Variants in CFAP221 observed in about 807,000 individuals in gnomAD.
The protein encoded by CFAP221 is cilia and flagella associated protein 221, also known as cilia- and flagella-associated protein 221.
A neutral mutation model predicts 113.1 loss-of-function variants in CFAP221; 97 were observed. That is an observed-to-expected ratio of 0.86 (90% CI 0.73 to 1.02). CFAP221 has a LOEUF of 1.02. CFAP221 is among the 50% of genes least tolerant of loss of function. The probability of loss-of-function intolerance (pLI) is 0.00; values close to 1 mark genes in which losing one functional copy is unlikely to be tolerated. For synonymous variants in CFAP221, 331 were observed against 354.4 expected (o/e 0.93, Z 0.74); for missense variants, 1,025 against 1,013.4 (o/e 1.01, Z -0.16).
rs977475346 is a variant in CFAP221, at chr2:119,559,716, A to G, written c.268A>G (p.Thr90Ala). The G allele has an allele frequency of 1.5e-5, 23 of 1,529,954 alleles. No individual in the cohort carries two copies. Among genetic ancestry groups the G allele is most frequent in the Non-Finnish European group, 2.0e-5 (23 of 1,141,530 alleles). The allele number at this position is 1,529,954 out of a possible 1,614,324, so 94.8% of individuals were successfully genotyped here. Residue 90 changes from threonine (T) to alanine (A), a missense_variant, in exon 4 of 24, where the codon ACA becomes GCA. Transcript: ENST00000413369. ...LHLVNVSNED[T>A]RVHILPPQTK... is the part of the protein sequence containing the mutation. Reference sequence around the variant, plus strand: ...TCTGGTCAATGTTTCCAATGAAGACACACGTGTTCATATTTTACCCCCGCA... The same window carrying G: ...TCTGGTCAATGTTTCCAATGAAGACGCACGTGTTCATATTTTACCCCCGCA...
At chr2:119,654,548 AT>A (rs1395372874) in intron 23 of CFAP221, among the ~76,000 whole-genome samples, 1 of 152,152 alleles carries the variant, frequency 6.6e-6, no homozygotes, top group Non-Finnish European at 1.5e-5. Flanking sequence ...GTTGAATGGC[AT>A]TTGGTTATCA....
intron 6 of CFAP221, among the ~76,000 whole-genome samples, chr2:119,583,573 A>T (rs1048680066): frequency 6.6e-6 from 1 of 152,196 alleles, no homozygotes; most frequent in African/African-American, 2.4e-5. Context: ...CAAAAGTAGC[A>T]TTGCAATACA....
chr2:119,555,065 G>A (rs1680689878), intron 3 of CFAP221, among the ~76,000 whole-genome samples: 1 of 152,198 alleles, frequency 6.6e-6, no homozygotes, highest in African/African-American at 2.4e-5. Flanking sequence ...GCATGGGATT[G>A]GGGGTGAAGA....
intron 2 of CFAP221, among the ~76,000 whole-genome samples, chr2:119,547,144 T>C (rs544486719): frequency 9.8e-4 from 149 of 152,320 alleles, no homozygotes; most frequent in Non-Finnish European, 1.8e-3. Flanking sequence ...TATGCTTCTT[T>C]TGTCACTGTA....
At chr2:119,599,489 TAGG>T (rs1349976918) in intron 7 of CFAP221, among the ~76,000 whole-genome samples, 14 of 152,316 alleles carry the variant, frequency 9.2e-5, no homozygotes, top group African/African-American at 3.1e-4. Flanking sequence ...ACACTCTAAC[TAGG>T]AGAAGGCAGA....
intron 11 of CFAP221, among the ~76,000 whole-genome samples, chr2:119,606,638 T>C (rs1424108929): frequency 1.3e-5 from 2 of 152,064 alleles, no homozygotes; most frequent in Admixed American, 1.3e-4. Flanking sequence ...TTTTTTTACA[T>C]ATAGAGAAGG....
At chr2:119,630,517 C>A in intron 17 of CFAP221, 53 bp from the exon 18 acceptor site, 2 of 1,376,146 alleles carry the variant, frequency 1.5e-6, no homozygotes, top group Non-Finnish European at 2.1e-6. Flanking sequence ...AGAAGTAGAT[C>A]CCACCAAATG....
intron 3 of CFAP221, chr2:119,556,304 T>C (rs1680793973): frequency 6.6e-6 from 1 of 152,162 alleles, no homozygotes; most frequent in Non-Finnish European, 1.5e-5. Flanking sequence ...TCACTTCAGA[T>C]CTTAAGCAGA....
At chr2:119,550,984 A>G (rs893726887) in intron 3 of CFAP221, among the ~76,000 whole-genome samples, 10 of 152,172 alleles carry the variant, frequency 6.6e-5, no homozygotes, top group East Asian at 3.8e-4. Flanking sequence ...TGGACATTTC[A>G]TATGAACGCA....
downstream of CFAP221, among the ~76,000 whole-genome samples, chr2:119,657,399 C>G (rs1403467647): frequency 2.0e-5 from 3 of 152,092 alleles, no homozygotes; most frequent in East Asian, 5.8e-4. Context: ...TGTGAGGATT[C>G]AATTAGGAAA....
intron 6 of CFAP221, chr2:119,572,405 A>G (rs1486208194): frequency 5.5e-6 from 3 of 545,738 alleles, no homozygotes; most frequent in African/African-American, 1.9e-5. Context: ...CTTAAAGAGT[A>G]TTATAGATAA....
chr2:119,634,737 A>T (rs990078085), intron 19 of CFAP221, among the ~76,000 whole-genome samples: 2 of 152,220 alleles, frequency 1.3e-5, no homozygotes, highest in Non-Finnish European at 2.9e-5. Flanking sequence ...CAAATACTGT[A>T]TGATTCTGCT....
intron 7 of CFAP221, among the ~76,000 whole-genome samples, chr2:119,592,191 G>A (rs1683644858): frequency 6.6e-6 from 1 of 152,236 alleles, no homozygotes; most frequent in Non-Finnish European, 1.5e-5. Flanking sequence ...AAAACTACAA[G>A]AAAACTTGGA....
intron 13 of CFAP221, among the ~76,000 whole-genome samples, chr2:119,615,244 G>C (rs1375475178): frequency 2.0e-5 from 3 of 152,222 alleles, no homozygotes; most frequent in Non-Finnish European, 4.4e-5. Flanking sequence ...GCTGAGTAAA[G>C]TAGTCCTACC....
chr2:119,653,305 T>C (rs1435956884), intron 23 of CFAP221, among the ~76,000 whole-genome samples: 2 of 152,004 alleles, frequency 1.3e-5, no homozygotes, highest in Non-Finnish European at 2.9e-5. Flanking sequence ...CGCTTGAACC[T>C]GGGAGGCAAA....
At chr2:119,602,842 G>C in intron 8 of CFAP221, 3 of 918,536 alleles carry the variant, frequency 3.3e-6, no homozygotes, top group Non-Finnish European at 3.9e-6. Context: ...ACATGAGTGC[G>C]ATTTTTATTT....
chr2:119,601,971 C>T (rs186353991), intron 8 of CFAP221, among the ~76,000 whole-genome samples: 1 of 152,332 alleles, frequency 6.6e-6, no homozygotes, highest in East Asian at 1.9e-4. Context: ...AGTTGTGCTT[C>T]ATAACAAATC....
intron 19 of CFAP221, among the ~76,000 whole-genome samples, chr2:119,636,682 ATGTGGG>A (rs1313039767): frequency 3.9e-5 from 6 of 152,340 alleles, no homozygotes; most frequent in African/African-American, 1.4e-4. Flanking sequence ...AGCCTCTGGG[ATGTGGG>A]CCTGGGAACA....
Position 119,546,238 on chromosome 2 carries a change from GA to G in CFAP221, c.111del (p.Glu38LysfsTer7), listed in dbSNP as rs1680041866. The G allele has an allele frequency of 4.6e-6, 7 of 1,535,694 alleles. No homozygotes were observed. The highest frequency in any genetic ancestry group is 6.1e-6 in the Non-Finnish European group (7 of 1,146,718). Reference sequence around the variant, plus strand: ...AACCTAGTGGAGGAGCCGAAAAAAAGAAAAGAAGTACCTAATCACCTCCTAG... The same window carrying G: ...AACCTAGTGGAGGAGCCGAAAAAAAGAAAGAAGTACCTAATCACCTCCTAG... The part of the protein sequence containing the change: ...LKNLVEEPKK[R>X]KEVPNHLLES... On this transcript the variant is annotated frameshift_variant, in exon 2 of 24. Coordinates refer to ENST00000413369, the MANE Select transcript of CFAP221 (RefSeq NM_001271049.2). LOFTEE classifies it high-confidence loss of function.
Sources: allele counts gnomAD v4.1 joint callset (sites outside exome capture counted in the v4.1 genomes callset), GRCh38; gene constraint gnomAD v4.1.1; transcripts MANE v1.5; gene names NCBI Gene and HGNC (gene_info 2026-07-23, HGNC 2026-07-21).